Variants in MAP2K5 observed in about 807,000 individuals in gnomAD.
MAP2K5 encodes the protein mitogen-activated protein kinase kinase 5, also known as dual specificity mitogen-activated protein kinase kinase 5.
A neutral mutation model predicts 83.1 loss-of-function variants in MAP2K5; 49 were observed. That is an observed-to-expected ratio of 0.59 (90% CI 0.47 to 0.75). The LOEUF is 0.75. Among genes scored for constraint, MAP2K5 ranks in the 30% least tolerant of loss-of-function variants. MAP2K5 has a pLI of 0.00. For synonymous variants in MAP2K5, 202 were observed against 191.8 expected, an observed-to-expected ratio of 1.05 and a Z score of -0.44; for missense variants, 457 against 557.5, an observed-to-expected ratio of 0.82 and a Z score of 1.82.
At chr15:67,553,906 C>T (rs1380499244) in intron 2 of MAP2K5, among the ~76,000 whole-genome samples, 11 of 98,334 alleles carry the variant, frequency 1.1e-4, no homozygotes, top group African/African-American at 1.2e-4. Flanking sequence ...GGCGACAGAG[C>T]GAGACTCCAT....
In MAP2K5 at chr15:67,550,157, C is replaced by T. The variant is rs1014149407; in HGVS notation, c.184+75C>T. ...TTTAAAGGGTTTATGGGTGGCATTACTTTAGAAACTGACAAAAACAGATTA... is the reference window on the plus strand; with the variant it reads ...TTTAAAGGGTTTATGGGTGGCATTATTTTAGAAACTGACAAAAACAGATTA... On this transcript the variant is annotated intron_variant, in intron 2 of 21. Transcript: ENST00000178640. The T allele has an allele frequency of 3.6e-6, 4 of 1,118,786 alleles. No individual in the cohort carries two copies. The African/African-American group carries it at 4.6e-5, about 13-fold the overall frequency. 69.3% of individuals were successfully genotyped at this position (1,118,786 alleles called of 1,614,324 possible).
intron 13 of MAP2K5, among the ~76,000 whole-genome samples, chr15:67,689,806 G>T (rs1022201413): frequency 4.6e-5 from 7 of 152,114 alleles, no homozygotes; most frequent in Admixed American, 1.3e-4. Flanking sequence ...GCTGCTTTTA[G>T]CATACCTCTT....
At chr15:67,706,522 A>G (rs574698075) in intron 16 of MAP2K5, among the ~76,000 whole-genome samples, 8 of 152,222 alleles carry the variant, frequency 5.3e-5, no homozygotes, top group African/African-American at 1.9e-4. Flanking sequence ...TGCTCCTTGT[A>G]TTTTAAAATG....
At chr15:67,595,783 T>C (rs2085511538) in intron 7 of MAP2K5, among the ~76,000 whole-genome samples, 1 of 152,188 alleles carries the variant, frequency 6.6e-6, no homozygotes, top group African/African-American at 2.4e-5. Context: ...GAGCTATAAA[T>C]CAGTCTCACT....
At position 67,644,418 on chromosome 15, in the gene MAP2K5, A is replaced by G. The variant is rs1218245236; in HGVS notation, c.586-1813A>G. Among the ~76,000 whole-genome samples, 1 of 151,662 alleles carries G rather than the reference A, an allele frequency of 6.6e-6. No individual in the cohort carries two copies. The highest frequency in any genetic ancestry group is 1.5e-5 in the Non-Finnish European group (1 of 67,976). ...CTAAATAAATAAATAAATAAATAAA[A>G]CAATTACTCTTGAATTAGTTTCACT... On this transcript the variant is annotated intron_variant, in intron 9 of 21. Coordinates refer to ENST00000178640, the MANE Select transcript of MAP2K5 (RefSeq NM_145160.3). The surrounding 1 kb of genome is among the most constrained non-coding windows in gnomAD (Gnocchi z 4.6).
At position 67,587,605 on chromosome 15, in the gene MAP2K5, A is replaced by C. The variant is rs1281924958; in HGVS notation, c.431+692A>C. Among the ~76,000 whole-genome samples the C allele has an allele frequency of 1.3e-5, 2 of 152,160 alleles. No homozygotes were observed. Among genetic ancestry groups the C allele is most frequent in the African/African-American group, 4.8e-5 (2 of 41,422 alleles). ...AGCTCCTTCCCTTTTTTACTTGGCTACATCTCAGAAGGCTCTTTTTTGTGA... is the reference window on the plus strand; with the variant it reads ...AGCTCCTTCCCTTTTTTACTTGGCTCCATCTCAGAAGGCTCTTTTTTGTGA... On this transcript the variant is annotated intron_variant, in intron 6 of 21. Transcript: ENST00000178640. The surrounding 1 kb of genome is among the most constrained non-coding windows in gnomAD (Gnocchi z 4.8).
chr15:67,656,906 T>C (rs1453595689), intron 11 of MAP2K5, among the ~76,000 whole-genome samples: 1 of 152,182 alleles, frequency 6.6e-6, no homozygotes, highest in African/African-American at 2.4e-5. Flanking sequence ...TGATAAGAAT[T>C]ACTGAATTGC....
chr15:67,751,985 C>G (rs1429788324), intron 19 of MAP2K5, among the ~76,000 whole-genome samples: 2 of 152,272 alleles, frequency 1.3e-5, no homozygotes, highest in East Asian at 1.9e-4. Flanking sequence ...TCTATGGGCA[C>G]TCCTCATTCT....
intron 17 of MAP2K5, 51 bp downstream of exon 17, chr15:67,727,996 A>G (rs752304330): frequency 1.4e-6 from 2 of 1,477,994 alleles, no homozygotes; most frequent in East Asian, 2.3e-5. Context: ...ATTCCTATGT[A>G]TGAAGGTGCA....
intron 21 of MAP2K5, among the ~76,000 whole-genome samples, chr15:67,784,048 GATTT>G (rs2090373095): frequency 1.3e-5 from 2 of 152,238 alleles, no homozygotes; most frequent in South Asian, 2.1e-4. Context: ...TTAAAAAATT[GATTT>G]ATTATATAGA....
At position 67,777,902 on chromosome 15, in the gene MAP2K5, T is replaced by C. The variant is rs980012232; in HGVS notation, c.1242+5150T>C. Among the ~76,000 whole-genome samples, 1 of 152,210 alleles carries C rather than the reference T, an allele frequency of 6.6e-6. No individual in the cohort carries two copies. The highest frequency in any genetic ancestry group is 2.4e-5 in the African/African-American group (1 of 41,462). On this transcript the variant is annotated intron_variant, in intron 21 of 21. Transcript: ENST00000178640. The surrounding 1 kb of genome is among the most constrained non-coding windows in gnomAD (Gnocchi z 6.0). ...AAGAAACACAGGATGCAGTTTGCAATTGAAATTTGACATTTTGCTTAGACA... is the reference window on the plus strand; with the variant it reads ...AAGAAACACAGGATGCAGTTTGCAACTGAAATTTGACATTTTGCTTAGACA...
Position 67,640,745 on chromosome 15 carries a change from C to CA in MAP2K5, c.586-5480dup, listed in dbSNP as rs1418789007. The CA allele has an allele frequency of 3.0e-5, 6 of 201,376 alleles. No homozygotes were observed. The highest frequency in any genetic ancestry group is 5.3e-5 in the Non-Finnish European group (6 of 113,160). The allele number at this position is 201,376 out of a possible 1,614,324, so 12.5% of individuals were successfully genotyped here. On this transcript the variant is annotated intron_variant, in intron 9 of 21. Coordinates refer to ENST00000178640, the MANE Select transcript of MAP2K5 (RefSeq NM_145160.3). The surrounding 1 kb of genome is among the most constrained non-coding windows in gnomAD (Gnocchi z 4.6). ...CTTCTAAATGTTCTTATTTTTTAGACAAAAAAGCATATTGTAAATGTTTCC... is the reference window on the plus strand; with the variant it reads ...CTTCTAAATGTTCTTATTTTTTAGACAAAAAAAGCATATTGTAAATGTTTCC...
At position 67,561,398 on chromosome 15, in the gene MAP2K5, TAG is replaced by T. The variant is rs1272328960; in HGVS notation, c.185-1881_185-1880del. 6.6e-6 allele frequency among the ~76,000 whole-genome samples: 1 copy of T among 152,236 alleles called. No individual in the cohort carries two copies. Among genetic ancestry groups the T allele is most frequent in the Non-Finnish European group, 1.5e-5 (1 of 68,030 alleles). The stretch of plus-strand genomic sequence containing the variant: ...TGGCATTTCTCCCCCAATTTGGCTC[TAG>T]AGATTCTATATCTAAAGCGAATGAA... On this transcript the variant is annotated intron_variant, in intron 2 of 21. Transcript: ENST00000178640. The surrounding 1 kb of genome is among the most constrained non-coding windows in gnomAD (Gnocchi z 4.2).
In MAP2K5 at chr15:67,768,090, T is replaced by G. The variant is rs1031498847; in HGVS notation, c.1135-1512T>G. Among the ~76,000 whole-genome samples, 5 of 152,188 alleles carry G rather than the reference T, an allele frequency of 3.3e-5. No homozygotes were observed. The highest frequency in any genetic ancestry group is 4.1e-4 in the South Asian group (2 of 4,832). On this transcript the variant is annotated intron_variant, in intron 19 of 21. Transcript: ENST00000178640. The surrounding 1 kb of genome is among the most constrained non-coding windows in gnomAD (Gnocchi z 4.0). ...TGTTTTTTGTTGTTTTTGTTTGTTT[T>G]TTGGCTGCCTTGACCCCCTTAGTTC...
At chr15:67,588,415 G>T (rs529826265) in intron 6 of MAP2K5, among the ~76,000 whole-genome samples, 23 of 152,192 alleles carry the variant, frequency 1.5e-4, no homozygotes, top group Non-Finnish European at 2.8e-4. Flanking sequence ...TGCACACCAG[G>T]GACCTCTCTA....
intron 17 of MAP2K5, among the ~76,000 whole-genome samples, chr15:67,745,387 G>T (rs2089582978): frequency 1.3e-5 from 2 of 152,182 alleles, no homozygotes; most frequent in South Asian, 4.1e-4. Context: ...AGGACCCTTG[G>T]TTCCACTTTT....
chr15:67,580,742 A>G lies in MAP2K5; in HGVS notation c.253-12A>G. 1 of 1,532,520 alleles carries G rather than the reference A, an allele frequency of 6.5e-7. No individual in the cohort carries two copies. The highest frequency in any genetic ancestry group is 9.0e-7 in the Non-Finnish European group (1 of 1,107,512). The allele number at this position is 1,532,520 out of a possible 1,614,324, so 94.9% of individuals were successfully genotyped here. On this transcript the variant is annotated splice_polypyrimidine_tract_variant and intron_variant, in intron 3 of 21. Transcript: ENST00000178640. Reference sequence around the variant, plus strand: ...CATTACTGAGTGATCTCTTTCTATAATCTCTTTGCAGTATTATTCCACAGT... The same window carrying G: ...CATTACTGAGTGATCTCTTTCTATAGTCTCTTTGCAGTATTATTCCACAGT...
Position 67,627,949 on chromosome 15 carries a change from T to C in MAP2K5, c.546-2939T>C, listed in dbSNP as rs552932934. On this transcript the variant is annotated intron_variant, in intron 8 of 21. Transcript: ENST00000178640. Reference sequence around the variant, plus strand: ...CAACCGATGAGAGCCTGAGGAGCCATTTTAAGCAATGGGGAACACTCACAG... The same window carrying C: ...CAACCGATGAGAGCCTGAGGAGCCACTTTAAGCAATGGGGAACACTCACAG... 2.9e-5 allele frequency: 22 copies of C among 767,406 alleles called. No individual in the cohort carries two copies. In the South Asian group the frequency reaches 3.0e-4, roughly 10 times the overall value. The allele number at this position is 767,406 out of a possible 1,614,324, so 47.5% of individuals were successfully genotyped here.
chr15:67,806,641 C>T lies in MAP2K5; in HGVS notation c.1243-5C>T, dbSNP rs28730811. The T allele has an allele frequency of 7.5e-4, 1,155 of 1,549,648 alleles. 6 individuals are homozygous for T. The African/African-American group carries it at 0.011, about 15-fold the overall frequency. On this transcript the variant is annotated splice_polypyrimidine_tract_variant and splice_region_variant and intron_variant, in intron 21 of 21. Coordinates refer to ENST00000178640, the MANE Select transcript of MAP2K5 (RefSeq NM_145160.3). ...CCTGTCACAGCCTCCTCCTCTTCCC[C>T]GCAGGGCCACCCGTTCATCGTGCAG...
Sources: allele counts gnomAD v4.1 joint callset (sites outside exome capture counted in the v4.1 genomes callset), GRCh38; gene constraint gnomAD v4.1.1; non-coding constraint Gnocchi (gnomAD v3.1); transcripts MANE v1.5; gene names NCBI Gene and HGNC (gene_info 2026-07-23, HGNC 2026-07-21).